GRM8: variants seen among roughly 807,000 people sequenced by gnomAD.
GRM8 encodes glutamate metabotropic receptor 8, also known as metabotropic glutamate receptor 8.
A neutral mutation model predicts 87.2 loss-of-function variants in GRM8; 47 were observed. The ratio of observed to expected loss-of-function variants is 0.54; its 90% CI spans 0.43 to 0.69. The LOEUF (loss-of-function observed/expected upper bound fraction) is 0.69, where lower values mean the gene tolerates loss of function less well. GRM8 is among the 30% of genes least tolerant of loss of function. GRM8 has a pLI of 0.00. For synonymous variants in GRM8, 396 were observed against 404.5 expected (o/e 0.98, Z 0.25); for missense variants, 1,019 against 1,139.2 (o/e 0.89, Z 1.52).
At chr7:126,795,351 A>C (rs913915128) in intron 6 of GRM8, among the ~76,000 whole-genome samples, 1 of 152,178 alleles carries the variant, frequency 6.6e-6, no homozygotes, top group Non-Finnish European at 1.5e-5. Context: ...TGTTTTCCCC[A>C]AAATTTTACA....
chr7:127,126,413 T>A (rs1208014122), intron 2 of GRM8, among the ~76,000 whole-genome samples: 1 of 151,750 alleles, frequency 6.6e-6, no homozygotes, highest in Non-Finnish European at 1.5e-5. Context: ...CACTTATAAG[T>A]GGGAGTTAAA....
intron 7 of GRM8, among the ~76,000 whole-genome samples, chr7:126,748,556 A>C (rs554329539): frequency 6.6e-6 from 1 of 151,916 alleles, no homozygotes; most frequent in East Asian, 1.9e-4. Flanking sequence ...ATTCTCTCCA[A>C]ATCTATAGAT....
intron 9 of GRM8, among the ~76,000 whole-genome samples, chr7:126,458,731 G>C (rs1469683779): frequency 2.6e-5 from 4 of 150,976 alleles, no homozygotes; most frequent in African/African-American, 9.7e-5. Context: ...GGAAACATGA[G>C]ACTATATCCT....
At chr7:126,648,616 C>T (rs576619118) in intron 7 of GRM8, among the ~76,000 whole-genome samples, 1 of 152,280 alleles carries the variant, frequency 6.6e-6, no homozygotes, top group East Asian at 1.9e-4. Flanking sequence ...AACCAAAAGG[C>T]AAATCTGGCT....
chr7:126,485,584 T>C (rs967959408), intron 9 of GRM8, among the ~76,000 whole-genome samples: 2 of 151,870 alleles, frequency 1.3e-5, no homozygotes, highest in African/African-American at 4.8e-5. Context: ...TTTGAAGGGA[T>C]TTAAAGAAGA....
At chr7:127,152,246 A>G (rs1471150816) in intron 2 of GRM8, among the ~76,000 whole-genome samples, 1 of 151,966 alleles carries the variant, frequency 6.6e-6, no homozygotes, top group Admixed American at 6.6e-5. Context: ...TTTGAAACTC[A>G]TTTTCCTCAT....
chr7:127,154,652 T>A (rs1029103248), intron 2 of GRM8, among the ~76,000 whole-genome samples: 14 of 152,176 alleles, frequency 9.2e-5, no homozygotes, highest in African/African-American at 3.4e-4. Context: ...TGAGTTTTAC[T>A]GTTCATCTAC....
chr7:127,194,070 G>A (rs1795161856), intron 2 of GRM8, among the ~76,000 whole-genome samples: 1 of 152,154 alleles, frequency 6.6e-6, no homozygotes, highest in South Asian at 2.1e-4. Context: ...CAGGCTCTGA[G>A]CTCCTCCAAT....
At chr7:127,015,469 T>C (rs1234113266) in intron 3 of GRM8, among the ~76,000 whole-genome samples, 4 of 152,066 alleles carry the variant, frequency 2.6e-5, no homozygotes, top group African/African-American at 9.7e-5. Context: ...GGTAAGGGGA[T>C]GGATACTAGG....
At chr7:127,161,615 T>G in intron 2 of GRM8, among the ~76,000 whole-genome samples, 1 of 151,768 alleles carries the variant, frequency 6.6e-6, no homozygotes, top group South Asian at 2.1e-4. Context: ...GCAAAAGACT[T>G]ATTCCAAACA....
intron 6 of GRM8, among the ~76,000 whole-genome samples, chr7:126,891,156 G>C (rs1308759072): frequency 6.6e-6 from 1 of 151,926 alleles, no homozygotes; most frequent in Admixed American, 6.6e-5. Context: ...AAGAATCAAG[G>C]CATCATCCAT....
intron 3 of GRM8, among the ~76,000 whole-genome samples, chr7:126,932,552 A>G (rs2131454295): frequency 6.6e-6 from 1 of 152,312 alleles, no homozygotes; most frequent in Non-Finnish European, 1.5e-5. Flanking sequence ...CACCTTAAAG[A>G]GTACACTATC....
intron 9 of GRM8, among the ~76,000 whole-genome samples, chr7:126,495,989 T>G (rs2150666866): frequency 6.6e-6 from 1 of 152,046 alleles, no homozygotes; most frequent in Non-Finnish European, 1.5e-5. Flanking sequence ...ACTTCAAAAC[T>G]GAAGGGACTG....
chr7:127,123,657 T>C (rs895306973), intron 2 of GRM8, among the ~76,000 whole-genome samples: 1 of 152,182 alleles, frequency 6.6e-6, no homozygotes, highest in East Asian at 1.9e-4. Context: ...TTTATAGCCA[T>C]ACAAAATGAA....
intron 2 of GRM8, among the ~76,000 whole-genome samples, chr7:127,125,753 C>T (rs1035855623): frequency 3.2e-5 from 4 of 125,776 alleles, no homozygotes; most frequent in African/African-American, 1.3e-4. Flanking sequence ...TTATAAGGAA[C>T]TCAAACAACT....
intron 7 of GRM8, among the ~76,000 whole-genome samples, chr7:126,620,867 T>C (rs968979695): frequency 6.6e-6 from 1 of 152,124 alleles, no homozygotes; most frequent in Non-Finnish European, 1.5e-5. Context: ...GTGCAAAAAT[T>C]ATACATCTCT....
chr7:127,058,933 T>G (rs1025002465), intron 3 of GRM8, among the ~76,000 whole-genome samples: 6 of 152,208 alleles, frequency 3.9e-5, no homozygotes, highest in Admixed American at 3.3e-4. Flanking sequence ...TCTCTTTCAT[T>G]AGTTCATTTG....
intron 3 of GRM8, among the ~76,000 whole-genome samples, chr7:126,928,834 C>G (rs1220291710): frequency 1.3e-5 from 2 of 151,662 alleles, no homozygotes; most frequent in Non-Finnish European, 2.9e-5. Flanking sequence ...GGAGGAACTA[C>G]AAAACTATTT....
chr7:126,457,037 A>C lies in GRM8; in HGVS notation c.2431-10665T>G, dbSNP rs993079577. On this transcript the variant is annotated intron_variant, in intron 9 of 10. Coordinates refer to ENST00000339582, the MANE Select transcript of GRM8 (RefSeq NM_000845.3). The stretch of plus-strand genomic sequence containing the variant: ...TGTATTGAAGAAAATACATAATACG[A>C]TATTTTCATCAGAGGACTGGAATGT... 2.6e-5 allele frequency among the ~76,000 whole-genome samples: 4 copies of C among 151,500 alleles called. No individual in the cohort carries two copies. The Admixed American group carries it at 2.6e-4, about 10-fold the overall frequency.
Sources: gnomAD v4.1 joint callset for allele counts (sites outside exome capture counted in the v4.1 genomes callset) on GRCh38, gnomAD v4.1.1 for gene constraint, MANE v1.5 for transcripts, NCBI Gene and HGNC (gene_info 2026-07-23, HGNC 2026-07-21) for gene names.